Variants in RP1L1 observed in about 807,000 individuals in gnomAD.
The protein encoded by RP1L1 is retinitis pigmentosa 1-like 1 protein.
RP1L1 carries 27 observed loss-of-function variants against 15.7 expected under a neutral mutation model. The ratio of observed to expected loss-of-function variants is 1.72; its 90% CI spans 1.27 to 2.38. The LOEUF (loss-of-function observed/expected upper bound fraction) is 2.38. RP1L1 is among the 30% of genes most tolerant of loss of function. The probability of loss-of-function intolerance (pLI) is 0.00; values close to 1 mark genes in which losing one functional copy is unlikely to be tolerated. For synonymous variants in RP1L1, 1,813 were observed against 1,276.7 expected, an observed-to-expected ratio of 1.42 and a Z score of -8.96; for missense variants, 4,798 against 3,075.9, an observed-to-expected ratio of 1.56 and a Z score of -13.24.
At chr8:10,614,912 C>T (rs1797941304) in intron 3 of RP1L1, among the ~76,000 whole-genome samples, 3 of 152,160 alleles carry the variant, frequency 2.0e-5, no homozygotes, top group Admixed American at 6.5e-5. Context: ...TACCCTAAAA[C>T]TTAAAGTATA....
Position 10,610,616 on chromosome 8 carries a change from C to A in RP1L1, c.3482G>T (p.Cys1161Phe). ...GTCCAGCTGGTCTTCCCCAACGTCACATCCTGGCCACAGGTCCTTCGAGAT... is the reference window on the plus strand; with the variant it reads ...GTCCAGCTGGTCTTCCCCAACGTCAAATCCTGGCCACAGGTCCTTCGAGAT... Reference protein sequence around the residue: ...LSISKDLWPGCDVGEDQLDSG... With the variant: ...LSISKDLWPGFDVGEDQLDSG... The change falls in exon 4 of 4, where the codon TGT (cysteine) becomes TTT (phenylalanine). Residue 1161 changes from cysteine (C) to phenylalanine (F), a missense_variant. By Grantham distance (205) the Cys-to-Phe change is radical. Coordinates refer to ENST00000382483, the MANE Select transcript of RP1L1 (RefSeq NM_178857.6). 4.3e-6 allele frequency: 7 copies of A among 1,613,584 alleles called. No individual in the cohort carries two copies. Among genetic ancestry groups the A allele is most frequent in the Non-Finnish European group, 5.9e-6 (7 of 1,180,016 alleles).
At chr8:10,654,013 G>A (rs1798602532) in intron 1 of RP1L1, among the ~76,000 whole-genome samples, 1 of 152,168 alleles carries the variant, frequency 6.6e-6, no homozygotes, top group African/African-American at 2.4e-5. Flanking sequence ...GGGATGAGCT[G>A]GCTGTGGGGC....
intron 1 of RP1L1, among the ~76,000 whole-genome samples, chr8:10,650,089 G>A (rs995824746): frequency 3.6e-4 from 55 of 152,190 alleles, no homozygotes; most frequent in African/African-American, 1.3e-3. Context: ...AGAGAAACAC[G>A]AATTTGAGAC....
rs757644197 is a variant in RP1L1, at chr8:10,611,209, G to T, written c.2889C>A (p.Asn963Lys). ...PEAVVREWLD[N>K]IPEEPILMTY... ...TCATGAGTATGGGCTCTTCTGGAAT[G>T]TTGTCCAGCCATTCGCGGACCACAG... Residue 963 changes from asparagine to lysine, a missense_variant, in exon 4 of 4, where the codon AAC (asparagine) becomes AAA (lysine). Coordinates refer to ENST00000382483, the MANE Select transcript of RP1L1 (RefSeq NM_178857.6). The T allele has an allele frequency of 1.8e-5, 29 of 1,612,978 alleles. No homozygotes were observed. In the South Asian group the frequency reaches 3.0e-4, roughly 16 times the overall value.
chr8:10,618,329 A>G (rs1023297881), intron 2 of RP1L1, among the ~76,000 whole-genome samples: 1 of 151,958 alleles, frequency 6.6e-6, no homozygotes, highest in Non-Finnish European at 1.5e-5. Flanking sequence ...GTGAAACCCC[A>G]TCTCTACTAA....
In RP1L1 at chr8:10,611,214, C is replaced by G. The variant is rs1472253561; in HGVS notation, c.2884G>C (p.Asp962His). The G allele has an allele frequency of 1.2e-6, 2 of 1,613,020 alleles. No individual in the cohort carries two copies. Among genetic ancestry groups the G allele is most frequent in the East Asian group, 2.2e-5 (1 of 44,870 alleles). Residue 962 changes from aspartate (D) to histidine (H), a missense_variant, in exon 4 of 4, where the codon GAC (aspartate) becomes CAC (histidine). Asp to His is a moderately conservative substitution (Grantham distance 81, BLOSUM62 -1). Coordinates refer to ENST00000382483, the MANE Select transcript of RP1L1 (RefSeq NM_178857.6). ...AGTATGGGCTCTTCTGGAATGTTGT[C>G]CAGCCATTCGCGGACCACAGCCTCT... ...SPEAVVREWLDNIPEEPILMT... is the reference protein window; with the variant it reads ...SPEAVVREWLHNIPEEPILMT...
chr8:10,623,084 T>C lies in RP1L1; in HGVS notation c.118A>G (p.Lys40Glu). The C allele has an allele frequency of 1.9e-6, 3 of 1,613,938 alleles. No individual in the cohort carries two copies. In the South Asian group the frequency reaches 3.3e-5, roughly 18 times the overall value. ...CCAGCAAACCGTGGATCCCCTCGCTTGAGGAAGGTGATCTTCTTGGCTGGC... is the reference window on the plus strand; with the variant it reads ...CCAGCAAACCGTGGATCCCCTCGCTCGAGGAAGGTGATCTTCTTGGCTGGC... ...VTPAKKITFLKRGDPRFAGVR... is the reference protein window; with the variant it reads ...VTPAKKITFLERGDPRFAGVR... The change falls in exon 2 of 4, where the codon AAG (lysine) becomes GAG (glutamate). Residue 40 changes from lysine (K) to glutamate (E), a missense_variant. Transcript: ENST00000382483.
chr8:10,627,685 G>A (rs1288554742), intron 1 of RP1L1, among the ~76,000 whole-genome samples: 2 of 151,956 alleles, frequency 1.3e-5, no homozygotes, highest in African/African-American at 4.8e-5. Flanking sequence ...GGAGGGGGTG[G>A]GATGAATTAC....
At chr8:10,623,913 A>G (rs1368633134) in intron 1 of RP1L1, among the ~76,000 whole-genome samples, 1 of 147,746 alleles carries the variant, frequency 6.8e-6, no homozygotes, top group Non-Finnish European at 1.5e-5. Context: ...CCCCAGCATC[A>G]CCATGTCCCA....
In RP1L1 at chr8:10,611,290, C is replaced by T. The variant is rs1024032229; in HGVS notation, c.2808G>A (p.Gly936=). 5.0e-6 allele frequency: 8 copies of T among 1,612,862 alleles called. No individual in the cohort carries two copies. In the African/African-American group the frequency reaches 9.3e-5, roughly 19 times the overall value. ...GTGACACACCACTGGCCTCCTCCTG[C>T]CCCTGGGGGCCTCCCCCACTCCTCA... ...KTLRSGGGPQ[G]QEEASGVSPS... is the part of the protein sequence containing the mutation. The change falls in exon 4 of 4, where the codon GGG becomes GGA. Residue 936 remains glycine (G), a synonymous_variant. Transcript: ENST00000382483.
At position 10,609,107 on chromosome 8, in the gene RP1L1, C is replaced by T. The variant is rs372066295; in HGVS notation, c.4991G>A (p.Arg1664Lys). 1 of 1,613,518 alleles carries T rather than the reference C, an allele frequency of 6.2e-7. No individual in the cohort carries two copies. Among genetic ancestry groups the T allele is most frequent in the Non-Finnish European group, 8.5e-7 (1 of 1,179,542 alleles). ...EEFCPCEACVRKKVSPMSPKA... is the reference protein window; with the variant it reads ...EEFCPCEACVKKKVSPMSPKA... ...GGGGGACATAGGGCTCACTTTCTTC[C>T]TCACGCAGGCCTCGCAGGGACAGAA... Residue 1664 changes from arginine (R) to lysine (K), a missense_variant, in exon 4 of 4, where the codon AGG (arginine) becomes AAG (lysine). Coordinates refer to ENST00000382483, the MANE Select transcript of RP1L1 (RefSeq NM_178857.6).
In RP1L1 at chr8:10,623,143, G is replaced by A. The variant is rs368767846; in HGVS notation, c.59C>T (p.Ser20Phe). 2.5e-6 allele frequency: 4 copies of A among 1,606,346 alleles called. No homozygotes were observed. The highest frequency in any genetic ancestry group is 2.7e-5 in the African/African-American group (2 of 74,864). Residue 20 changes from serine to phenylalanine, a missense_variant, in exon 2 of 4, where the codon TCT becomes TTT. By Grantham distance (155) the Ser-to-Phe change is radical (BLOSUM62 -2). Transcript: ENST00000382483. ...GGTGACCGAGGGGGTGCGAGCCACA[G>A]AGGGCAGGAAGCACTCACGGTGGCT... Reference protein sequence around the residue: ...APSHRECFLPSVARTPSVTKV... With the variant: ...APSHRECFLPFVARTPSVTKV...
intron 1 of RP1L1, among the ~76,000 whole-genome samples, chr8:10,639,046 G>A (rs1183656603): frequency 1.3e-5 from 2 of 152,004 alleles, no homozygotes; most frequent in Non-Finnish European, 2.9e-5. Flanking sequence ...TTGGGAGGCT[G>A]AGGCAGGGGA....
Position 10,623,069 on chromosome 8 carries a change from G to A in RP1L1, c.133C>T (p.Arg45Trp), listed in dbSNP as rs267607017. 40 of 1,613,964 alleles carry A rather than the reference G, an allele frequency of 2.5e-5. No homozygotes were observed. Among genetic ancestry groups the A allele is most frequent in the East Asian group, 8.9e-5 (4 of 44,870 alleles). Residue 45 changes from arginine (R) to tryptophan (W), a missense_variant, in exon 2 of 4, where the codon CGG (arginine) becomes TGG (tryptophan). Physicochemically the swap from Arg to Trp is moderately radical, Grantham distance 101. Transcript: ENST00000382483. The part of the protein sequence containing the change: ...KITFLKRGDP[R>W]FAGVRLAVHQ... Reference sequence around the variant, plus strand: ...ACGGCCAGGCGGACCCCAGCAAACCGTGGATCCCCTCGCTTGAGGAAGGTG... The same window carrying A: ...ACGGCCAGGCGGACCCCAGCAAACCATGGATCCCCTCGCTTGAGGAAGGTG...
In RP1L1 at chr8:10,606,862, C is replaced by G. The variant is rs750503655; in HGVS notation, c.*33G>C. On this transcript the variant is annotated 3_prime_UTR_variant, in exon 4 of 4. Coordinates refer to ENST00000382483, the MANE Select transcript of RP1L1 (RefSeq NM_178857.6). ...AAAATATGAATAAAAACAGAGCTCCCAAGCTCGTGATTGTTTTCTAGCTTG... is the reference window on the plus strand; with the variant it reads ...AAAATATGAATAAAAACAGAGCTCCGAAGCTCGTGATTGTTTTCTAGCTTG... 4 of 1,613,418 alleles carry G rather than the reference C, an allele frequency of 2.5e-6. No homozygotes were observed. Among genetic ancestry groups the G allele is most frequent in the Non-Finnish European group, 3.4e-6 (4 of 1,180,024 alleles).
chr8:10,628,485 C>T (rs1028119984), intron 1 of RP1L1, among the ~76,000 whole-genome samples: 1 of 152,152 alleles, frequency 6.6e-6, no homozygotes, highest in African/African-American at 2.4e-5. Flanking sequence ...CCTCCACCCC[C>T]AGCCCCAGAG....
At chr8:10,647,932 C>T (rs549626689) in intron 1 of RP1L1, among the ~76,000 whole-genome samples, 63 of 152,206 alleles carry the variant, frequency 4.1e-4, no homozygotes, top group Non-Finnish European at 7.3e-4. Flanking sequence ...CTGTCCACAG[C>T]GGCTGCACCA....
chr8:10,613,267 C>A lies in RP1L1; in HGVS notation c.831G>T (p.Arg277Ser), dbSNP rs1287001952. 3 of 1,609,680 alleles carry A rather than the reference C, an allele frequency of 1.9e-6. No individual in the cohort carries two copies. Among genetic ancestry groups the A allele is most frequent in the Admixed American group, 1.7e-5 (1 of 60,010 alleles). ...PPGSTPRLPE[R>S]PGPSNPPVGP... ...CCACCGGGGGGTTGCTAGGACCAGG[C>A]CTTTCTGGCAGCCGTGGCGTGCTGC... The change falls in exon 4 of 4, where the codon AGG becomes AGT. Residue 277 changes from arginine (R) to serine (S), a missense_variant. By Grantham distance (110) the Arg-to-Ser change is moderately radical. Coordinates refer to ENST00000382483, the MANE Select transcript of RP1L1 (RefSeq NM_178857.6).
intron 1 of RP1L1, among the ~76,000 whole-genome samples, chr8:10,650,401 G>T (rs1431977548): frequency 6.6e-6 from 1 of 152,186 alleles, no homozygotes; most frequent in Non-Finnish European, 1.5e-5. Context: ...ACACAGAGCG[G>T]CATCAGCCAG....
Sources: allele counts gnomAD v4.1 joint callset (sites outside exome capture counted in the v4.1 genomes callset), GRCh38; gene constraint gnomAD v4.1.1; transcripts MANE v1.5; gene names NCBI Gene and HGNC (gene_info 2026-07-23, HGNC 2026-07-21).